The following TIAM1 variants were observed in gnomAD, a reference collection of about 807,000 sequenced individuals.
TIAM1 encodes the protein rho guanine nucleotide exchange factor TIAM1.
Under a neutral mutation model 163.5 loss-of-function variants are expected in TIAM1, and 65 were observed. The observed-to-expected ratio is 0.40, with a 90% CI of 0.33 to 0.49. The LOEUF (loss-of-function observed/expected upper bound fraction) is 0.49, where lower values mean the gene tolerates loss of function less well. Among genes scored for constraint, TIAM1 ranks in the 20% least tolerant of loss-of-function variants. The pLI is 0.77. For synonymous variants in TIAM1, 833 were observed against 810.1 expected (o/e 1.03, Z -0.48); for missense variants, 1,789 against 2,044.7 (o/e 0.87, Z 2.41).
intron 1 of TIAM1, chr21:31,464,061 C>A (rs2045432810): frequency 6.6e-6 from 1 of 152,050 alleles, no homozygotes; most frequent in African/African-American, 2.4e-5. Flanking sequence ...AACAAACAAA[C>A]AAAAAAACTT....
chr21:31,313,407 G>T (rs1471975875), intron 2 of TIAM1, among the ~76,000 whole-genome samples: 2 of 152,038 alleles, frequency 1.3e-5, no homozygotes, highest in Middle Eastern at 3.2e-3. Context: ...ATGTTATTCT[G>T]AGTCTTCTGG....
intron 1 of TIAM1, among the ~76,000 whole-genome samples, chr21:31,480,013 G>A (rs2147393146): frequency 6.6e-6 from 1 of 152,310 alleles, no homozygotes; most frequent in South Asian, 2.1e-4. Context: ...CCCTGCTAAA[G>A]CATCAGCTAA....
At position 31,143,509 on chromosome 21, in the gene TIAM1, G is replaced by C. The variant is rs893764317; in HGVS notation, c.3476-2005C>G. On this transcript the variant is annotated intron_variant, in intron 20 of 27. Coordinates refer to ENST00000541036, the MANE Select transcript of TIAM1 (RefSeq NM_001353694.2). ...ATTTTATTAGAAAGTTTAAAATATA[G>C]AAATTTAAAAGTTTAATGATATATA... Among the ~76,000 whole-genome samples the C allele has an allele frequency of 9.8e-4, 148 of 151,060 alleles. 3 individuals carry two copies. Among genetic ancestry groups the C allele is most frequent in the Non-Finnish European group, 4.4e-5 (3 of 67,804 alleles).
rs1233012823 is a variant in TIAM1 at position 31,141,046 on chromosome 21, T to A, written c.3774+72A>T. ...TTACAAGTAACACCTTTTTAAAAAA[T>A]AAATAAATAAATAAAAGCAAACTCA... On this transcript the variant is annotated intron_variant, in intron 22 of 27. Coordinates refer to ENST00000541036, the MANE Select transcript of TIAM1 (RefSeq NM_001353694.2). The surrounding 1 kb of genome is among the most constrained non-coding windows in gnomAD (Gnocchi z 4.7). 28 of 1,159,566 alleles carry A rather than the reference T, an allele frequency of 2.4e-5. No homozygotes were observed. Among genetic ancestry groups the A allele is most frequent in the South Asian group, 1.6e-4 (10 of 62,476 alleles). The allele number at this position is 1,159,566 out of a possible 1,614,324, so 71.8% of individuals were successfully genotyped here.
intron 2 of TIAM1, among the ~76,000 whole-genome samples, chr21:31,398,236 C>G (rs781442624): frequency 9.4e-5 from 14 of 148,326 alleles, no homozygotes; most frequent in Non-Finnish European, 2.1e-4. Context: ...CATCAATTCA[C>G]TAACTTGAAT....
chr21:31,319,545 A>C (rs1337519194), intron 2 of TIAM1, among the ~76,000 whole-genome samples: 2 of 152,088 alleles, frequency 1.3e-5, no homozygotes, highest in Non-Finnish European at 2.9e-5. Flanking sequence ...TTGGGAGGCC[A>C]AGACGGGTGG....
chr21:31,204,371 C>T (rs183722923), intron 11 of TIAM1, among the ~76,000 whole-genome samples: 1 of 152,286 alleles, frequency 6.6e-6, no homozygotes, highest in Admixed American at 6.5e-5. Context: ...GAATTTATTA[C>T]ATTGTTCCCT....
chr21:31,546,871 A>G (rs1053020877), intron 1 of TIAM1, among the ~76,000 whole-genome samples: 17 of 152,278 alleles, frequency 1.1e-4, no homozygotes, highest in African/African-American at 4.1e-4. Context: ...AACCAAGACC[A>G]TATCTTATAC....
In TIAM1 at chr21:31,269,828, C is replaced by T. The variant is rs1422081300; in HGVS notation, c.-11-2845G>A. ...CTGGGACTACAGGCGCCCGCCACCACGCCTGGCTAATTTTTTGTATTTTTA... is the reference window on the plus strand; with the variant it reads ...CTGGGACTACAGGCGCCCGCCACCATGCCTGGCTAATTTTTTGTATTTTTA... On this transcript the variant is annotated intron_variant, in intron 3 of 27. Coordinates refer to ENST00000541036, the MANE Select transcript of TIAM1 (RefSeq NM_001353694.2). Among the ~76,000 whole-genome samples the T allele has an allele frequency of 2.0e-5, 3 of 152,054 alleles. No homozygotes were observed. The East Asian group carries it at 5.8e-4, about 29-fold the overall frequency.
intron 1 of TIAM1, among the ~76,000 whole-genome samples, chr21:31,513,735 C>G (rs567007736): frequency 6.6e-6 from 1 of 152,306 alleles, no homozygotes; most frequent in South Asian, 2.1e-4. Flanking sequence ...GAGCCAGATG[C>G]AGTGACTCAT....
intron 1 of TIAM1, among the ~76,000 whole-genome samples, chr21:31,509,401 C>T (rs1358184431): frequency 6.6e-6 from 1 of 152,216 alleles, no homozygotes; most frequent in Non-Finnish European, 1.5e-5. Context: ...CCAGGACCCA[C>T]TCAAGGGCCA....
At chr21:31,526,366 CGGAAACTTCT>C (rs1569412813) in intron 1 of TIAM1, among the ~76,000 whole-genome samples, 7 of 152,318 alleles carry the variant, frequency 4.6e-5, no homozygotes, top group Admixed American at 1.3e-4. Context: ...GCATGCACGG[CGGAAACTTCT>C]GGAAACTTCT....
At chr21:31,319,445 C>A (rs948286919) in intron 2 of TIAM1, among the ~76,000 whole-genome samples, 2 of 152,020 alleles carry the variant, frequency 1.3e-5, no homozygotes, top group Admixed American at 6.6e-5. Context: ...CGAATTTCTC[C>A]ACATTCCTTC....
chr21:31,256,588 T>TACACACACACACACACACAC (rs5030999), intron 4 of TIAM1, among the ~76,000 whole-genome samples: 96 of 128,242 alleles, frequency 7.5e-4, no homozygotes, highest in African/African-American at 1.0e-3. Context: ...TACCCCTCAC[T>TACACACACACACACACACAC]ACACACACAC....
chr21:31,385,993 C>G (rs932819049), intron 2 of TIAM1, among the ~76,000 whole-genome samples: 5 of 149,026 alleles, frequency 3.4e-5, no homozygotes. Context: ...ACATTTTAAA[C>G]AAATAACTGT....
At chr21:31,446,195 C>T (rs1335784343) in intron 2 of TIAM1, among the ~76,000 whole-genome samples, 1 of 145,398 alleles carries the variant, frequency 6.9e-6, no homozygotes, top group African/African-American at 2.6e-5. Context: ...CCTGCCTCAG[C>T]CTCCCAAAGT....
chr21:31,236,348 G>A (rs1181200576), intron 6 of TIAM1, among the ~76,000 whole-genome samples: 1 of 152,134 alleles, frequency 6.6e-6, no homozygotes, highest in Non-Finnish European at 1.5e-5. Flanking sequence ...CAAAATCAAA[G>A]GTAAATATTT....
rs745487427 is a variant in TIAM1 at position 31,245,560 on chromosome 21, C to T, written c.1512G>A (p.Ala504=). The change falls in exon 6 of 28, where the codon GCG becomes GCA. Residue 504 remains alanine, a synonymous_variant. Coordinates refer to ENST00000541036, the MANE Select transcript of TIAM1 (RefSeq NM_001353694.2). ...AVWVENSIVQ[A]VPEHPKKDFV... ...AGTCCTTCTTGGGGTGCTCAGGCAC[C>T]GCCTGCACAATGCTGTTCTCCACCC... 8.0e-5 allele frequency: 128 copies of T among 1,605,384 alleles called. 2 individuals are homozygous for T. In the South Asian group the frequency reaches 1.3e-3, roughly 17 times the overall value.
intron 2 of TIAM1, among the ~76,000 whole-genome samples, chr21:31,407,046 G>A (rs16988225): frequency 0.033 from 4,975 of 152,168 alleles, 254 homozygotes; most frequent in African/African-American, 0.12. Flanking sequence ...AAGGATTCCC[G>A]GGAAAGTGAC....
Sources: allele counts gnomAD v4.1 joint callset (sites outside exome capture counted in the v4.1 genomes callset), GRCh38; gene constraint gnomAD v4.1.1; non-coding constraint Gnocchi (gnomAD v3.1); transcripts MANE v1.5; gene names NCBI Gene and HGNC (gene_info 2026-07-23, HGNC 2026-07-21).